Variants in TTC29 observed in about 807,000 individuals in gnomAD.
TTC29 encodes the protein tetratricopeptide repeat protein 29.
A neutral mutation model predicts 58.1 loss-of-function variants in TTC29; 49 were observed. The observed-to-expected ratio is 0.84, with a 90% CI of 0.67 to 1.07. The LOEUF is 1.07. TTC29 is among the 50% of genes least tolerant of loss of function. The probability of loss-of-function intolerance (pLI) is 0.00; values close to 1 mark genes in which losing one functional copy is unlikely to be tolerated. For missense variants in TTC29, 582 were observed against 555.6 expected (o/e 1.05, Z -0.48); for synonymous variants, 209 against 196.8 (o/e 1.06, Z -0.52).
In TTC29 at chr4:146,890,781, G is replaced by A. The variant is rs568381589; in HGVS notation, c.586+12763C>T. Among the ~76,000 whole-genome samples, 7 of 152,316 alleles carry A rather than the reference G, an allele frequency of 4.6e-5. No individual in the cohort carries two copies. In the East Asian group the frequency reaches 1.3e-3, roughly 29 times the overall value. On this transcript the variant is annotated intron_variant, in intron 6 of 12. Coordinates refer to ENST00000325106, the MANE Select transcript of TTC29 (RefSeq NM_031956.4). ...GTCACAAGACACTGGGTTTGCTCCA[G>A]AAGCCAGAAAGTTCTCTGGTTTATG...
Position 146,741,641 on chromosome 4 carries a change from A to T in TTC29, c.1331-34090T>A, listed in dbSNP as rs550768191. Among the ~76,000 whole-genome samples the T allele has an allele frequency of 2.8e-4, 43 of 152,112 alleles. 1 individual carries two copies. Among genetic ancestry groups the T allele is most frequent in the African/African-American group, 8.4e-4 (35 of 41,502 alleles). ...CTCTTATCTCCAGTTCCTCCTCTACATTGCCACAGAGTTACATTTGCACAT... is the reference window on the plus strand; with the variant it reads ...CTCTTATCTCCAGTTCCTCCTCTACTTTGCCACAGAGTTACATTTGCACAT... On this transcript the variant is annotated intron_variant, in intron 11 of 12. Transcript: ENST00000325106.
At position 146,801,978 on chromosome 4, in the gene TTC29, CAAAAAAAAAA is replaced by C. The variant is rs57486017; in HGVS notation, c.1330+1469_1330+1478del. On this transcript the variant is annotated intron_variant, in intron 11 of 12. Transcript: ENST00000325106. ...TGGACAACAGAGCGAGACTCTGTCT[CAAAAAAAAAA>C]AAAAAAAAAAAAAAAAAAAAAGAGA... 2.5e-3 allele frequency among the ~76,000 whole-genome samples: 98 copies of C among 38,796 alleles called. 1 individual carries two copies. The highest frequency in any genetic ancestry group is 0.011 in the East Asian group (12 of 1,138). The allele number at this position is 38,796 out of a possible 152,430, so 25.5% of individuals were successfully genotyped here.
chr4:146,826,385 T>C (rs1447638222), intron 9 of TTC29, among the ~76,000 whole-genome samples: 1 of 152,220 alleles, frequency 6.6e-6, no homozygotes, highest in Non-Finnish European at 1.5e-5. Flanking sequence ...TTTGACTGGA[T>C]ATGAAATTCT....
Position 146,733,229 on chromosome 4 carries a change from T to C in TTC29, c.1331-25678A>G, listed in dbSNP as rs556884152. Among the ~76,000 whole-genome samples, 27 of 152,270 alleles carry C rather than the reference T, an allele frequency of 1.8e-4. No homozygotes were observed. The South Asian group carries it at 5.4e-3, about 30-fold the overall frequency. ...ATAGATATCTTGAAATTACTCCTGA[T>C]AGTCACAGGCAGAGGGTGTAAAGTT... On this transcript the variant is annotated intron_variant, in intron 11 of 12. Transcript: ENST00000325106.
At chr4:146,942,173 C>A (rs1736466205) in intron 2 of TTC29, among the ~76,000 whole-genome samples, 1 of 152,094 alleles carries the variant, frequency 6.6e-6, no homozygotes, top group Non-Finnish European at 1.5e-5. Flanking sequence ...CTAGTACTAC[C>A]AGTTTATCAA....
chr4:146,928,571 T>C (rs1286107641), intron 4 of TTC29, among the ~76,000 whole-genome samples: 1 of 152,156 alleles, frequency 6.6e-6, no homozygotes, highest in Non-Finnish European at 1.5e-5. Context: ...GTGGATACTG[T>C]TATAGGTGCT....
At chr4:146,835,642 G>A (rs1426891789) in intron 8 of TTC29, among the ~76,000 whole-genome samples, 2 of 152,046 alleles carry the variant, frequency 1.3e-5, no homozygotes, top group Non-Finnish European at 2.9e-5. Context: ...TTACAGTTCA[G>A]TGCTCCAGAC....
In TTC29 at chr4:146,939,867, G is replaced by A. The variant is rs1277249589; in HGVS notation, c.29C>T (p.Thr10Ile). The A allele has an allele frequency of 1.2e-6, 2 of 1,613,170 alleles. No homozygotes were observed. Among genetic ancestry groups the A allele is most frequent in the African/African-American group, 1.3e-5 (1 of 74,866 alleles). The change falls in exon 3 of 13, where the codon ACA becomes ATA. Residue 10 changes from threonine (T) to isoleucine (I), a missense_variant. Coordinates refer to ENST00000325106, the MANE Select transcript of TTC29 (RefSeq NM_031956.4). ...GGCTAAGGCTGTAAGCTTCGGGCGT[G>A]TCATGGGCAGTGGGGGCAGGGTGGT... MTTLPPLPM[T>I]RPKLTALARQ... is the part of the protein sequence containing the mutation.
chr4:146,869,280 CA>C (rs1730776918), intron 7 of TTC29, among the ~76,000 whole-genome samples: 1 of 152,122 alleles, frequency 6.6e-6, no homozygotes, highest in South Asian at 2.1e-4. Context: ...CACCACTCAC[CA>C]AATAACCGCT....
intron 9 of TTC29, among the ~76,000 whole-genome samples, chr4:146,822,712 C>T (rs1034941717): frequency 8.5e-5 from 13 of 152,190 alleles, no homozygotes; most frequent in Non-Finnish European, 1.6e-4. Flanking sequence ...ACTAATTTAA[C>T]TTCCACCAAC....
At chr4:146,761,695 G>A (rs1350017835) in intron 11 of TTC29, among the ~76,000 whole-genome samples, 1 of 83,734 alleles carries the variant, frequency 1.2e-5, no homozygotes, top group Admixed American at 1.5e-4. Flanking sequence ...TTGTAGACTT[G>A]TCTCTTTGCT....
At chr4:146,845,682 C>T (rs1729117525) in intron 8 of TTC29, among the ~76,000 whole-genome samples, 1 of 152,118 alleles carries the variant, frequency 6.6e-6, no homozygotes, top group South Asian at 2.1e-4. Context: ...AGGAATCTCA[C>T]CCCAGCCGTA....
intron 11 of TTC29, among the ~76,000 whole-genome samples, chr4:146,797,960 A>AT (rs1039486217): frequency 1.1e-4 from 16 of 147,250 alleles, no homozygotes; most frequent in Admixed American, 6.1e-4. Flanking sequence ...TCTCTGTTCA[A>AT]TTTTTTTTTC....
rs1012578435 is a variant in TTC29, at chr4:146,826,526, C to G, written c.978-6278G>C. On this transcript the variant is annotated intron_variant, in intron 9 of 12. Coordinates refer to ENST00000325106, the MANE Select transcript of TTC29 (RefSeq NM_031956.4). Reference sequence around the variant, plus strand: ...TTTGTAGGTGACCTGGCCTTTCTTTCTGGCCACCCTTAACAGTTTTTCCTT... The same window carrying G: ...TTTGTAGGTGACCTGGCCTTTCTTTGTGGCCACCCTTAACAGTTTTTCCTT... Among the ~76,000 whole-genome samples the G allele has an allele frequency of 1.4e-4, 21 of 152,296 alleles. No individual in the cohort carries two copies. In the East Asian group the frequency reaches 4.1e-3, roughly 29 times the overall value.
chr4:146,910,968 T>A (rs1733856985), intron 4 of TTC29, among the ~76,000 whole-genome samples: 1 of 152,016 alleles, frequency 6.6e-6, no homozygotes, highest in Non-Finnish European at 1.5e-5. Flanking sequence ...CTCACTCCAG[T>A]CAAATGGAGG....
At chr4:146,869,672 T>C (rs1007642681) in intron 7 of TTC29, among the ~76,000 whole-genome samples, 1 of 152,120 alleles carries the variant, frequency 6.6e-6, no homozygotes, top group African/African-American at 2.4e-5. Flanking sequence ...GCCGGGCTGA[T>C]ATGGCACCAT....
intron 6 of TTC29, among the ~76,000 whole-genome samples, chr4:146,886,678 G>A (rs34758786): frequency 2.0e-5 from 3 of 152,080 alleles, no homozygotes; most frequent in Admixed American, 6.6e-5. Flanking sequence ...TCCTATATCA[G>A]AAGCCTTTTC....
intron 11 of TTC29, among the ~76,000 whole-genome samples, chr4:146,777,740 A>G (rs1176132155): frequency 1.3e-5 from 2 of 152,186 alleles, no homozygotes; most frequent in Non-Finnish European, 2.9e-5. Flanking sequence ...TTGTAACAGA[A>G]TGCTTGTGGG....
chr4:146,842,444 G>C (rs181933472), intron 8 of TTC29, among the ~76,000 whole-genome samples: 60 of 152,142 alleles, frequency 3.9e-4, no homozygotes, highest in Non-Finnish European at 7.4e-4. Context: ...CAGACTTATA[G>C]AGAGTCATGC....
Sources: allele counts gnomAD v4.1 joint callset (sites outside exome capture counted in the v4.1 genomes callset), GRCh38; gene constraint gnomAD v4.1.1; transcripts MANE v1.5; gene names NCBI Gene and HGNC (gene_info 2026-07-23, HGNC 2026-07-21).